NCKAP5: variants seen among roughly 807,000 people sequenced by gnomAD.
The protein encoded by NCKAP5 is nck-associated protein 5.
NCKAP5 carries 92 observed loss-of-function variants against 167.0 expected under a neutral mutation model. The observed-to-expected ratio is 0.55, with a 90% CI of 0.47 to 0.66. The LOEUF (loss-of-function observed/expected upper bound fraction) is 0.66. NCKAP5 is among the 30% of genes least tolerant of loss of function. The probability of loss-of-function intolerance (pLI) is 0.00; values close to 1 mark genes in which losing one functional copy is unlikely to be tolerated. For synonymous variants in NCKAP5, 891 were observed against 877.4 expected (o/e 1.02, Z -0.27); for missense variants, 2,378 against 2,315.0 (o/e 1.03, Z -0.56).
At chr2:133,228,312 G>A (rs569180802) in intron 4 of NCKAP5, among the ~76,000 whole-genome samples, 28 of 152,182 alleles carry the variant, frequency 1.8e-4, no homozygotes, top group Non-Finnish European at 3.8e-4. Flanking sequence ...ACTTGGACCT[G>A]TAGCAAAAAA....
intron 4 of NCKAP5, among the ~76,000 whole-genome samples, chr2:133,230,081 A>G (rs2087073801): frequency 6.6e-6 from 1 of 152,194 alleles, no homozygotes; most frequent in East Asian, 1.9e-4. Context: ...GGATAAAAGA[A>G]GCACACATAA....
chr2:132,800,045 T>C (rs72847229), intron 11 of NCKAP5, among the ~76,000 whole-genome samples: 28,523 of 152,208 alleles, frequency 0.19, 3,132 homozygotes, highest in East Asian at 0.3. Context: ...CATATTTTCA[T>C]CATATACATA....
rs756969073 is a variant in NCKAP5, at chr2:132,785,636, G to A, written c.1175C>T (p.Pro392Leu). The A allele has an allele frequency of 1.3e-6, 2 of 1,536,860 alleles. No homozygotes were observed. The highest frequency in any genetic ancestry group is 2.2e-5 in the Admixed American group (1 of 46,416). The part of the protein sequence containing the change: ...SGFASPTNEL[P>L]PTRIKESHIL... The stretch of plus-strand genomic sequence containing the variant: ...GTGGCTTTCCTTGATACGAGTTGGA[G>A]GTAGTTCATTTGTAGGACTAGCAAA... The change falls in exon 14 of 20, where the codon CCT becomes CTT. Residue 392 changes from proline to leucine, a missense_variant. Pro to Leu is a moderately conservative substitution (Grantham distance 98). This residue lies in a region of NCKAP5 where 1,049 missense variants were observed against 1,023.4 expected (regional missense o/e 1.02). Coordinates refer to ENST00000409261, the MANE Select transcript of NCKAP5 (RefSeq NM_207363.3).
At chr2:133,506,891 C>G (rs554558094) in intron 3 of NCKAP5, among the ~76,000 whole-genome samples, 5 of 152,296 alleles carry the variant, frequency 3.3e-5, no homozygotes, top group Admixed American at 3.3e-4. Flanking sequence ...GGAAGTTACT[C>G]AAATCCTCTA....
At chr2:132,823,099 A>T (rs1686875551) in intron 11 of NCKAP5, among the ~76,000 whole-genome samples, 1 of 152,262 alleles carries the variant, frequency 6.6e-6, no homozygotes, top group South Asian at 2.1e-4. Flanking sequence ...TCCCTGAGGA[A>T]GAGAAATCTA....
chr2:133,599,069 A>AT, the NCKAP5 span, among the ~76,000 whole-genome samples: 3 of 152,240 alleles, frequency 2.0e-5, no homozygotes, highest in Non-Finnish European at 4.4e-5. Context: ...AGAACTCTTT[A>AT]TAAGAACCAG....
intron 19 of NCKAP5, among the ~76,000 whole-genome samples, chr2:132,712,154 T>C (rs565174850): frequency 6.6e-6 from 1 of 152,340 alleles, no homozygotes; most frequent in Non-Finnish European, 1.5e-5. Context: ...ACCTCTGTTC[T>C]GCTAACCAGC....
chr2:133,612,105 T>C, the NCKAP5 span, among the ~76,000 whole-genome samples: 8 of 152,144 alleles, frequency 5.3e-5, no homozygotes, highest in African/African-American at 1.7e-4. Context: ...TAGGATACAA[T>C]AGACTTCCCA....
At chr2:133,535,465 T>C (rs774621200) in intron 2 of NCKAP5, among the ~76,000 whole-genome samples, 1 of 152,144 alleles carries the variant, frequency 6.6e-6, no homozygotes, top group Non-Finnish European at 1.5e-5. Flanking sequence ...CAAAAGACAG[T>C]ATTTCATTCT....
chr2:133,168,719 T>C (rs753705149), intron 5 of NCKAP5, among the ~76,000 whole-genome samples: 10 of 152,182 alleles, frequency 6.6e-5, no homozygotes, highest in Admixed American at 3.3e-4. Context: ...TCAGATATAA[T>C]ACATACATTT....
At chr2:132,882,200 G>C (rs1348798208) in intron 8 of NCKAP5, among the ~76,000 whole-genome samples, 1 of 152,116 alleles carries the variant, frequency 6.6e-6, no homozygotes, top group African/African-American at 2.4e-5. Flanking sequence ...TTCAATCCCT[G>C]AAATCAGGCA....
chr2:133,564,858 A>G (rs957245650), intron 1 of NCKAP5, among the ~76,000 whole-genome samples: 2 of 152,204 alleles, frequency 1.3e-5, no homozygotes, highest in Non-Finnish European at 2.9e-5. Context: ...GCATTCAGTG[A>G]GCAGTATTCA....
intron 7 of NCKAP5, among the ~76,000 whole-genome samples, chr2:132,979,284 G>C (rs1258953472): frequency 6.6e-6 from 1 of 152,144 alleles, no homozygotes; most frequent in Non-Finnish European, 1.5e-5. Flanking sequence ...CACTAATGCA[G>C]ATGAAATGAT....
intron 4 of NCKAP5, among the ~76,000 whole-genome samples, chr2:133,282,292 C>A (rs1047117661): frequency 1.3e-5 from 2 of 152,066 alleles, no homozygotes; most frequent in Non-Finnish European, 2.9e-5. Context: ...GTCTTCAGTG[C>A]CAAAAGCAGA....
intron 11 of NCKAP5, among the ~76,000 whole-genome samples, chr2:132,798,602 C>T (rs914745217): frequency 6.6e-6 from 1 of 152,204 alleles, no homozygotes. Context: ...TATGATGTCA[C>T]ACTTTCACCT....
At chr2:133,369,210 C>G (rs1272644213) in intron 3 of NCKAP5, among the ~76,000 whole-genome samples, 1 of 152,234 alleles carries the variant, frequency 6.6e-6, no homozygotes, top group African/African-American at 2.4e-5. Flanking sequence ...CATGAATGTT[C>G]CAGAAGTGGC....
intron 11 of NCKAP5, among the ~76,000 whole-genome samples, chr2:132,799,958 C>A (rs146817958): frequency 3.3e-5 from 5 of 152,244 alleles, no homozygotes; most frequent in African/African-American, 1.2e-4. Flanking sequence ...TATCACACAA[C>A]TTCCCTTAAA....
In NCKAP5 at chr2:132,782,575, G is replaced by A. The variant is rs201604728; in HGVS notation, c.4236C>T (p.Arg1412=). 5.1e-4 allele frequency: 812 copies of A among 1,583,656 alleles called. 13 individuals are homozygous for A. In the South Asian group the frequency reaches 6.2e-3, roughly 12 times the overall value. ...AVLGEPGSDR[R]SCPPTPTDCP... ...AGTCTGTTGGGGTGGGTGGGCAACT[G>A]CGGCGGTCACTGCCTGGTTCCCCAA... The change falls in exon 14 of 20, where the codon CGC becomes CGT. Residue 1412 remains arginine, a synonymous_variant. Transcript: ENST00000409261.
intron 3 of NCKAP5, among the ~76,000 whole-genome samples, chr2:133,422,249 T>C (rs1396847200): frequency 6.6e-6 from 1 of 152,200 alleles, no homozygotes; most frequent in Non-Finnish European, 1.5e-5. Context: ...CTCAAGGAGC[T>C]TACTCCCAGC....
Sources: gnomAD v4.1 joint callset for allele counts (sites outside exome capture counted in the v4.1 genomes callset) on GRCh38, gnomAD v4.1.1 for gene constraint, gnomAD v4.1.1 regional missense constraint, MANE v1.5 for transcripts, NCBI Gene and HGNC (gene_info 2026-07-23, HGNC 2026-07-21) for gene names.